The following MED12 variants were observed in gnomAD, a reference collection of about 807,000 sequenced individuals.
MED12 encodes the protein mediator complex subunit 12.
Under a neutral mutation model 177.7 loss-of-function variants are expected in MED12, and 10 were observed. That is an observed-to-expected ratio of 0.06 (90% confidence interval 0.03 to 0.10). The LOEUF (loss-of-function observed/expected upper bound fraction) is 0.10, where lower values mean the gene tolerates loss of function less well. Ranked by LOEUF, MED12 falls within the 10% of genes least tolerant of loss-of-function variation. MED12 has a pLI of 1.00. For missense variants in MED12, 867 were observed against 1,780.8 expected, an observed-to-expected ratio of 0.49 and a Z score of 9.23; for synonymous variants, 641 against 678.4, an observed-to-expected ratio of 0.94 and a Z score of 0.86.
chrX:71,140,951 G>T, intron 42 of MED12, 94 bp downstream of exon 42: 1 of 1,184,194 alleles, frequency 8.4e-7, no homozygotes, highest in Non-Finnish European at 1.1e-6. Context: ...AAACAAGGCA[G>T]TGTACCAAAA....
At position 71,132,131 on chromosome X, in the gene MED12, C is replaced by T; in HGVS notation, c.4178C>T (p.Ser1393Leu). The T allele has an allele frequency of 8.3e-7, 1 of 1,209,782 alleles. No homozygotes were observed. The highest frequency in any genetic ancestry group is 1.1e-6 in the Non-Finnish European group (1 of 893,521). The change falls in exon 30 of 45, where the codon TCA (serine) becomes TTA (leucine). Residue 1393 changes from serine (S) to leucine (L), a missense_variant. Coordinates refer to ENST00000374080, the MANE Select transcript of MED12 (RefSeq NM_005120.3). ...GCCACAATCGAGGTTTTCCAACAGTCAGCAGAGACAGGGTCATCTTCTGGA... is the reference window on the plus strand; with the variant it reads ...GCCACAATCGAGGTTTTCCAACAGTTAGCAGAGACAGGGTCATCTTCTGGA... Reference protein sequence around the residue: ...AKATIEVFQQSAETGSSSGST... With the variant: ...AKATIEVFQQLAETGSSSGST...
At position 71,119,456 on chromosome X, in the gene MED12, C is replaced by T. The variant is rs770411750; in HGVS notation, c.183C>T (p.Asn61=). The T allele has an allele frequency of 3.9e-5, 47 of 1,194,477 alleles. No individual in the cohort carries two copies. Among genetic ancestry groups the T allele is most frequent in the Middle Eastern group, 2.3e-4 (1 of 4,295 alleles). ...VSGDEHGSAK[N]VSFNPAKISS... ...GGGATGAGCATGGCAGTGCCAAGAA[C>T]GTCAGCTTCAATCCTGCCAAGGTGA... Residue 61 remains asparagine, a synonymous_variant, in exon 2 of 45, where the codon AAC becomes AAT. Coordinates refer to ENST00000374080, the MANE Select transcript of MED12 (RefSeq NM_005120.3).
Position 71,127,210 on chromosome X carries a change from C to CCTCA in MED12, c.2849+80_2849+83dup. ...AGTGGCCTGGGAAGAGCATGCACTT[C>CCTCA]CTCACACTCTGGGGAAGCACCTGCT... is the stretch of plus-strand genomic sequence containing the variant. On this transcript the variant is annotated intron_variant, in intron 20 of 44. Coordinates refer to ENST00000374080, the MANE Select transcript of MED12 (RefSeq NM_005120.3). The CCTCA allele has an allele frequency of 3.5e-6, 4 of 1,150,450 alleles. 1 individual carries two copies. The South Asian group carries it at 7.5e-5, about 21-fold the overall frequency. 94.8% of individuals were successfully genotyped at this position (1,150,450 alleles called of 1,213,427 possible).
At chrX:71,129,551 G>A (rs773430521) in intron 26 of MED12, 122 bp downstream of exon 26, 20 of 982,047 alleles carry the variant, frequency 2.0e-5, no homozygotes, top group Non-Finnish European at 2.8e-5. Context: ...GAGGAGGGGA[G>A]GGAGAGAAGT....
chrX:71,126,729 C>G (rs1287581178), intron 19 of MED12, among the ~76,000 whole-genome samples: 2 of 111,987 alleles, frequency 1.8e-5, no homozygotes, highest in African/African-American at 6.5e-5. Context: ...CTGTGGAGTT[C>G]ATAGAACTGT....
Position 71,132,161 on chromosome X carries a change from C to G in MED12, c.4208C>G (p.Thr1403Ser). ...GAGACAGGGTCATCTTCTGGAAGTA[C>G]TGCAAGCAACATGCCCAGCAGCAGC... is the stretch of plus-strand genomic sequence containing the variant. The part of the protein sequence containing the change: ...SAETGSSSGS[T>S]ASNMPSSSKT... Residue 1403 changes from threonine to serine, a missense_variant, in exon 30 of 45, where the codon ACT becomes AGT. Thr to Ser is a moderately conservative substitution (Grantham distance 58, BLOSUM62 1). Transcript: ENST00000374080. The G allele has an allele frequency of 8.3e-7, 1 of 1,211,184 alleles. No individual in the cohort carries two copies. The highest frequency in any genetic ancestry group is 1.1e-6 in the Non-Finnish European group (1 of 894,700).
At chrX:71,131,648 C>G (rs1351379628) in intron 29 of MED12, 27 bp downstream of exon 29, 1 of 1,190,316 alleles carries the variant, frequency 8.4e-7, no homozygotes, top group Admixed American at 2.2e-5. Context: ...CCCTCCCTTT[C>G]CTGTGCTCAC....
rs1259453528 is a variant in MED12 at position 71,127,333 on chromosome X, C to T, written c.2850-3C>T. On this transcript the variant is annotated splice_region_variant and splice_polypyrimidine_tract_variant and intron_variant, in intron 20 of 44. Coordinates refer to ENST00000374080, the MANE Select transcript of MED12 (RefSeq NM_005120.3). ...ACCCTCCCAACCTTGCTTCTTCATG[C>T]AGGCTGTGTGGCGTCGTGAAGCATG... 8.3e-7 allele frequency: 1 copy of T among 1,211,446 alleles called. No homozygotes were observed. The highest frequency in any genetic ancestry group is 1.1e-6 in the Non-Finnish European group (1 of 895,318).
In MED12 at chrX:71,134,479, C is replaced by T. The variant is rs2092327135; in HGVS notation, c.4727+13C>T. ...TGCAGTCCAACAAGTAAAGCATCCC[C>T]ACCCGCTCCCTGCAGTTTCATACCC... On this transcript the variant is annotated intron_variant, in intron 34 of 44. Coordinates refer to ENST00000374080, the MANE Select transcript of MED12 (RefSeq NM_005120.3). The T allele has an allele frequency of 9.6e-7, 1 of 1,043,333 alleles. No individual in the cohort carries two copies. The highest frequency in any genetic ancestry group is 3.3e-5 in the East Asian group (1 of 30,446). 86.0% of individuals were successfully genotyped at this position (1,043,333 alleles called of 1,213,427 possible).
rs369519934 is a variant in MED12 at position 71,142,243 on chromosome X, A to G, written c.*25A>G. 1.7e-6 allele frequency: 2 copies of G among 1,203,775 alleles called. No homozygotes were observed. Among genetic ancestry groups the G allele is most frequent in the Non-Finnish European group, 2.3e-6 (2 of 888,181 alleles). On this transcript the variant is annotated 3_prime_UTR_variant, in exon 45 of 45. Transcript: ENST00000374080. ...AGCCACCTGGAGGAACTGCTTGTGCACTGGATGTGGCCCCACCCTTTCCTC... is the reference window on the plus strand; with the variant it reads ...AGCCACCTGGAGGAACTGCTTGTGCGCTGGATGTGGCCCCACCCTTTCCTC...
rs186656230 is a variant in MED12 at position 71,133,996 on chromosome X, G to A, written c.4618-361G>A. The stretch of plus-strand genomic sequence containing the variant: ...TGTAATCCCAGCACTTTGGGAGGCC[G>A]AGGTGGGCGGATCACGAGGTCAGGA... On this transcript the variant is annotated intron_variant, in intron 33 of 44. Coordinates refer to ENST00000374080, the MANE Select transcript of MED12 (RefSeq NM_005120.3). 3.6e-5 allele frequency among the ~76,000 whole-genome samples: 4 copies of A among 110,269 alleles called. No homozygotes were observed. In the Admixed American group the frequency reaches 3.8e-4, roughly 11 times the overall value.
At chrX:71,124,662 C>T in intron 13 of MED12, 102 bp from the exon 14 acceptor site, 1 of 664,935 alleles carries the variant, frequency 1.5e-6, no homozygotes, top group Non-Finnish European at 2.4e-6. Flanking sequence ...CTGTGCTTTC[C>T]CCAATCTGGT....
chrX:71,137,880 G>A lies in MED12; in HGVS notation c.5981G>A (p.Arg1994Gln), dbSNP rs750926172. The A allele has an allele frequency of 6.4e-5, 77 of 1,211,332 alleles. No homozygotes were observed. Among genetic ancestry groups the A allele is most frequent in the Non-Finnish European group, 8.3e-5 (74 of 895,400 alleles). The change falls in exon 41 of 45, where the codon CGG becomes CAG. Residue 1994 changes from arginine (R) to glutamine (Q), a missense_variant. Physicochemically the swap from Arg to Gln is conservative, Grantham distance 43 (BLOSUM62 1). Around this residue, in one of 14 missense-constraint regions of MED12, gnomAD observed 236 missense variants for 345.2 expected, o/e 0.68. Coordinates refer to ENST00000374080, the MANE Select transcript of MED12 (RefSeq NM_005120.3). ...LVDPTRHLQQ[R>Q]PSGYVHQQAP... The stretch of plus-strand genomic sequence containing the variant: ...GATCCTACCCGCCACCTGCAACAGC[G>A]GCCCAGTGGCTATGTGCACCAGCAG...
rs766512991 is a variant in MED12 at position 71,120,956 on chromosome X, C to T, written c.554-15C>T. 3 of 1,209,182 alleles carry T rather than the reference C, an allele frequency of 2.5e-6. No individual in the cohort carries two copies. The South Asian group carries it at 5.3e-5, about 21-fold the overall frequency. Reference sequence around the variant, plus strand: ...AGGATAGTATCAAATAGCCCTTTTTCCCTCTTTCCTCCAGAATGGACTCAG... The same window carrying T: ...AGGATAGTATCAAATAGCCCTTTTTTCCTCTTTCCTCCAGAATGGACTCAG... On this transcript the variant is annotated splice_polypyrimidine_tract_variant and intron_variant, in intron 4 of 44. Transcript: ENST00000374080.
chrX:71,124,915 T>G, intron 14 of MED12, 61 bp from the exon 15 acceptor site: 1 of 1,194,051 alleles, frequency 8.4e-7, no homozygotes, highest in Non-Finnish European at 1.1e-6. Flanking sequence ...TTTGGCATGT[T>G]TTTTTGCCCC....
In MED12 at chrX:71,135,986, C is replaced by T. The variant is rs1197105880; in HGVS notation, c.5026-295C>T. On this transcript the variant is annotated intron_variant, in intron 36 of 44. Transcript: ENST00000374080. ...CTCCCTCTCTGGCTTTCTCCCCAAC[C>T]CCTTTCTCTCCCGATCTTCTCTCCC... is the stretch of plus-strand genomic sequence containing the variant. 6.4e-5 allele frequency among the ~76,000 whole-genome samples: 7 copies of T among 108,841 alleles called. 2 individuals are homozygous for T. Among genetic ancestry groups the T allele is most frequent in the Admixed American group, 5.9e-4 (6 of 10,109 alleles). The allele number at this position is 108,841 out of a possible 115,157, so 94.5% of individuals were successfully genotyped here.
rs369563649 is a variant in MED12, at chrX:71,134,746, C to T, written c.4761C>T (p.Ser1587=). The change falls in exon 35 of 45, where the codon AGC becomes AGT. Residue 1587 remains serine, a synonymous_variant. Transcript: ENST00000374080. ...ELFTTVLDML[S]VLINGTLAAD... ...TCACTACTGTGTTGGACATGCTGAGCGTGCTCATCAATGGGACATTGGCTG... is the reference window on the plus strand; with the variant it reads ...TCACTACTGTGTTGGACATGCTGAGTGTGCTCATCAATGGGACATTGGCTG... 1.7e-5 allele frequency: 20 copies of T among 1,208,909 alleles called. No individual in the cohort carries two copies. The highest frequency in any genetic ancestry group is 2.2e-5 in the Non-Finnish European group (20 of 894,848).
Position 71,128,842 on chromosome X carries a change from G to T in MED12, c.3475+124G>T, listed in dbSNP as rs775142426. On this transcript the variant is annotated intron_variant, in intron 24 of 44. Coordinates refer to ENST00000374080, the MANE Select transcript of MED12 (RefSeq NM_005120.3). ...GCGGCTCCCTGGCCTTCCTCAGAAGGCCAGTCCTTTGGTATGCTGAAGGCT... is the reference window on the plus strand; with the variant it reads ...GCGGCTCCCTGGCCTTCCTCAGAAGTCCAGTCCTTTGGTATGCTGAAGGCT... 203 of 892,563 alleles carry T rather than the reference G, an allele frequency of 2.3e-4. 4 individuals are homozygous for T. The South Asian group carries it at 4.0e-3, about 17-fold the overall frequency. 73.6% of individuals were successfully genotyped at this position (892,563 alleles called of 1,213,427 possible).
chrX:71,125,637 T>TGCGGG, intron 16 of MED12, 26 bp from the exon 17 acceptor site: 1 of 1,092,097 alleles, frequency 9.2e-7, no homozygotes, highest in Non-Finnish European at 1.3e-6. Context: ...TTTTGAAACT[T>TGCGGG]CCCCCCTCAT....
Sources: gnomAD v4.1 joint callset for allele counts (sites outside exome capture counted in the v4.1 genomes callset) on GRCh38, gnomAD v4.1.1 for gene constraint, gnomAD v4.1.1 regional missense constraint, MANE v1.5 for transcripts, NCBI Gene and HGNC (gene_info 2026-07-23, HGNC 2026-07-21) for gene names.